The following LACTB variants were observed in gnomAD, a reference collection of about 807,000 sequenced individuals.
The protein encoded by LACTB is lactamase beta.
A neutral mutation model predicts 50.2 loss-of-function variants in LACTB; 35 were observed. The ratio of observed to expected loss-of-function variants is 0.70; its 90% CI spans 0.53 to 0.92. The LOEUF (loss-of-function observed/expected upper bound fraction) is 0.92, where lower values mean the gene tolerates loss of function less well. Ranked by LOEUF, LACTB falls within the 40% of genes least tolerant of loss-of-function variation. The pLI is 0.00. For synonymous variants in LACTB, 252 were observed against 268.2 expected (o/e 0.94, Z 0.59); for missense variants, 664 against 691.8 (o/e 0.96, Z 0.45).
Position 63,122,764 on chromosome 15 carries a change from G to A in LACTB, c.424+62G>A, listed in dbSNP as rs1372018140. ...TTGGTAAATAAAATATTGTTTTACT[G>A]GTTAGAGTGGATCCCATGAAATGCT... On this transcript the variant is annotated intron_variant, in intron 2 of 5. Coordinates refer to ENST00000261893, the MANE Select transcript of LACTB (RefSeq NM_032857.5). 3.6e-6 allele frequency: 4 copies of A among 1,122,026 alleles called. No individual in the cohort carries two copies. The Admixed American group carries it at 5.2e-5, about 15-fold the overall frequency. 69.5% of individuals were successfully genotyped at this position (1,122,026 alleles called of 1,614,324 possible). A position where few individuals can be genotyped will look rare whatever the true frequency, so the allele number is the denominator to read the frequency against.
intron 2 of LACTB, among the ~76,000 whole-genome samples, chr15:63,123,757 T>A (rs2141067511): frequency 6.6e-6 from 1 of 152,352 alleles, no homozygotes; most frequent in Middle Eastern, 3.4e-3. Context: ...GAAAGACAGC[T>A]TATGCCATTA....
chr15:63,130,888 T>G (rs1325642561), intron 5 of LACTB: 1 of 152,234 alleles, frequency 6.6e-6, no homozygotes, highest in African/African-American at 2.4e-5. Context: ...TTCTACTAGT[T>G]TTAGCATCTA....
intron 2 of LACTB, among the ~76,000 whole-genome samples, chr15:63,124,895 C>T (rs2037028920): frequency 6.6e-6 from 1 of 151,884 alleles, no homozygotes; most frequent in Non-Finnish European, 1.5e-5. Context: ...CGGAGGTTTG[C>T]AGTGAGCCAA....
At chr15:63,140,357 A>C (rs1260118054) in intron 5 of LACTB, among the ~76,000 whole-genome samples, 1 of 152,194 alleles carries the variant, frequency 6.6e-6, no homozygotes, top group Admixed American at 6.5e-5. Flanking sequence ...AAAGTCATTA[A>C]AAGTTGTATA....
intron 4 of LACTB, among the ~76,000 whole-genome samples, chr15:63,129,126 A>G (rs2037095438): frequency 6.6e-6 from 1 of 152,202 alleles, no homozygotes; most frequent in African/African-American, 2.4e-5. Context: ...AAGTTGACTC[A>G]AGAAATCAAA....
chr15:63,135,178 G>A (rs1446617792), intron 5 of LACTB, among the ~76,000 whole-genome samples: 1 of 151,938 alleles, frequency 6.6e-6, no homozygotes, highest in African/African-American at 2.4e-5. Flanking sequence ...GCTTTTTTTG[G>A]AAAATTTTTT....
chr15:63,124,341 C>T (rs2037020056), intron 2 of LACTB, among the ~76,000 whole-genome samples: 1 of 152,164 alleles, frequency 6.6e-6, no homozygotes, highest in Admixed American at 6.5e-5. Context: ...AGATCTATAT[C>T]TGGTATAACT....
intron 5 of LACTB, among the ~76,000 whole-genome samples, chr15:63,137,752 C>G (rs781463399): frequency 6.6e-6 from 1 of 152,130 alleles, no homozygotes; most frequent in Non-Finnish European, 1.5e-5. Flanking sequence ...TAACCATCCC[C>G]CACCTTCTCT....
rs34536322 is a variant in LACTB, at chr15:63,127,500, A to C, written c.763A>C (p.Lys255Gln). ...NVAFEQEKEG[K>Q]SNEKNDFTKF... ...TGCATTTGAGCAAGAAAAAGAAGGCAAAAGTAATGAAAAGAATGATTTTAC... is the reference window on the plus strand; with the variant it reads ...TGCATTTGAGCAAGAAAAAGAAGGCCAAAGTAATGAAAAGAATGATTTTAC... Residue 255 changes from lysine (K) to glutamine (Q), a missense_variant, in exon 4 of 6, where the codon AAA becomes CAA. Coordinates refer to ENST00000261893, the MANE Select transcript of LACTB (RefSeq NM_032857.5). The C allele has an allele frequency of 0.043, 69,768 of 1,613,558 alleles. 1,749 individuals carry two copies. Among genetic ancestry groups the C allele is most frequent in the Non-Finnish European group, 0.052 (61,720 of 1,179,672 alleles).
intron 2 of LACTB, among the ~76,000 whole-genome samples, chr15:63,125,069 C>T (rs1284827492): frequency 6.6e-6 from 1 of 152,010 alleles, no homozygotes; most frequent in Non-Finnish European, 1.5e-5. Context: ...GCCTGTAATC[C>T]CAGCGCTTAG....
In LACTB at chr15:63,127,011, G is replaced by A. The variant is rs1347702142; in HGVS notation, c.577G>A (p.Val193Ile). The change falls in exon 3 of 6, where the codon GTT becomes ATT. Residue 193 changes from valine (V) to isoleucine (I), a missense_variant. Physicochemically the swap from Val to Ile is conservative, Grantham distance 29 (BLOSUM62 3). Coordinates refer to ENST00000261893, the MANE Select transcript of LACTB (RefSeq NM_032857.5). ...LDLDIPVQHYVPEFPEKEYEG... is the reference protein window; with the variant it reads ...LDLDIPVQHYIPEFPEKEYEG... ...TCTTGATATTCCAGTACAACATTAT[G>A]TTCCCGAATTCCCAGAAAAAGAATA... 6 of 1,610,032 alleles carry A rather than the reference G, an allele frequency of 3.7e-6. No individual in the cohort carries two copies. The highest frequency in any genetic ancestry group is 1.7e-4 in the Middle Eastern group (1 of 5,950).
In LACTB at chr15:63,141,372, T is replaced by C. The variant is rs1230115734; in HGVS notation, c.1211T>C (p.Val404Ala). Residue 404 changes from valine to alanine, a missense_variant, in exon 6 of 6, where the codon GTG (valine) becomes GCG (alanine). Transcript: ENST00000261893. ...GCTGGTGGTGGATTTCTGTCTACAGTGGGTGACCTTCTGAAATTTGGGAAT... is the reference window on the plus strand; with the variant it reads ...GCTGGTGGTGGATTTCTGTCTACAGCGGGTGACCTTCTGAAATTTGGGAAT... The part of the protein sequence containing the change: ...KWAGGGFLST[V>A]GDLLKFGNAM... 6.2e-7 allele frequency: 1 copy of C among 1,614,226 alleles called. No individual in the cohort carries two copies. The highest frequency in any genetic ancestry group is 1.7e-5 in the Admixed American group (1 of 60,028).
At chr15:63,135,264 G>T (rs1315151782) in intron 5 of LACTB, among the ~76,000 whole-genome samples, 1 of 152,066 alleles carries the variant, frequency 6.6e-6, no homozygotes, top group African/African-American at 2.4e-5. Context: ...TCAATTATCA[G>T]CTTATTTAAA....
chr15:63,141,903 G>T lies in LACTB; in HGVS notation c.*98G>T. On this transcript the variant is annotated 3_prime_UTR_variant, in exon 6 of 6. Coordinates refer to ENST00000261893, the MANE Select transcript of LACTB (RefSeq NM_032857.5). ...CATTTTTAAGAATAAATTTGAAATA[G>T]AGTATAACTGAATGCAGAGAATTAT... is the stretch of plus-strand genomic sequence containing the variant. 1 of 998,894 alleles carries T rather than the reference G, an allele frequency of 1.0e-6. No homozygotes were observed. The highest frequency in any genetic ancestry group is 1.4e-6 in the Non-Finnish European group (1 of 692,398). 61.9% of individuals were successfully genotyped at this position (998,894 alleles called of 1,614,324 possible).
chr15:63,133,752 T>C (rs1595717095), intron 5 of LACTB, among the ~76,000 whole-genome samples: 2 of 152,242 alleles, frequency 1.3e-5, no homozygotes. Context: ...TTGTCTGAAC[T>C]GGTATACTTC....
At position 63,121,987 on chromosome 15, in the gene LACTB, G is replaced by A; in HGVS notation, c.116G>A (p.Gly39Asp). ...QRAGLPPLGH[G>D]WVGGLGLGLG... is the part of the protein sequence containing the mutation. ...GCCGGGCTGCCGCCTCTCGGCCACG[G>A]CTGGGTCGGGGGCCTCGGGCTGGGG... The change falls in exon 1 of 6, where the codon GGC becomes GAC. Residue 39 changes from glycine (G) to aspartate (D), a missense_variant. Transcript: ENST00000261893. The A allele has an allele frequency of 1.5e-6, 2 of 1,368,810 alleles. No individual in the cohort carries two copies. The highest frequency in any genetic ancestry group is 1.8e-5 in the South Asian group (1 of 56,672). The allele number at this position is 1,368,810 out of a possible 1,614,324, so 84.8% of individuals were successfully genotyped here.
chr15:63,141,110 G>A, intron 5 of LACTB, 170 bp from the exon 6 acceptor site: 3 of 983,392 alleles, frequency 3.1e-6, no homozygotes, highest in Non-Finnish European at 3.6e-6. Context: ...AGTTATCTGT[G>A]TGTCATTAGG....
At chr15:63,139,184 A>G (rs2037203171) in intron 5 of LACTB, among the ~76,000 whole-genome samples, 1 of 103,852 alleles carries the variant, frequency 9.6e-6, no homozygotes, top group Admixed American at 1.1e-4. Context: ...CCCCGTCTCT[A>G]CTAAAAATCC....
At chr15:63,133,488 G>C (rs1020707825) in intron 5 of LACTB, among the ~76,000 whole-genome samples, 2 of 152,116 alleles carry the variant, frequency 1.3e-5, no homozygotes, top group African/African-American at 4.8e-5. Flanking sequence ...GGCGGGCATA[G>C]TAGCGCACAC....
Sources: allele counts gnomAD v4.1 joint callset (sites outside exome capture counted in the v4.1 genomes callset), GRCh38; gene constraint gnomAD v4.1.1; transcripts MANE v1.5; gene names NCBI Gene and HGNC (gene_info 2026-07-23, HGNC 2026-07-21).